NFRKB: variants seen among roughly 807,000 people sequenced by gnomAD.
The protein encoded by NFRKB is nuclear factor related to kappa-B-binding protein.
In NFRKB, 62 loss-of-function variants were observed where a neutral mutation model predicts 135.7. The observed-to-expected ratio is 0.46, with a 90% CI of 0.37 to 0.56. The LOEUF (loss-of-function observed/expected upper bound fraction) is 0.56. Ranked by LOEUF, NFRKB falls within the 20% of genes least tolerant of loss-of-function variation. The probability of loss-of-function intolerance (pLI) is 0.00; values close to 1 mark genes in which losing one functional copy is unlikely to be tolerated. For missense variants in NFRKB, 1,545 were observed against 1,662.0 expected, an observed-to-expected ratio of 0.93 and a Z score of 1.22; for synonymous variants, 678 against 635.6, an observed-to-expected ratio of 1.07 and a Z score of -1.00.
chr11:129,891,623 T>C (rs907017717), intron 3 of NFRKB, among the ~76,000 whole-genome samples: 1 of 152,166 alleles, frequency 6.6e-6, no homozygotes. Flanking sequence ...CTTAGCACCA[T>C]TAGCACCACT....
chr11:129,869,319 A>G (rs989025642), intron 24 of NFRKB, among the ~76,000 whole-genome samples, 175 bp downstream of exon 24: 8 of 146,036 alleles, frequency 5.5e-5, no homozygotes, highest in Non-Finnish European at 8.8e-5. Flanking sequence ...AACACAGACA[A>G]AAGCCTATCA....
rs1948087143 is a variant in NFRKB at position 129,864,281 on chromosome 11, A to G, written c.*444T>C. ...GATGTACAACAGGTTCTTTAAAAAA[A>G]TAAATTACATAAAATTTTCTGGACA... On this transcript the variant is annotated 3_prime_UTR_variant, in exon 27 of 27. Coordinates refer to ENST00000682444, the MANE Select transcript of NFRKB (RefSeq NM_001143835.2). The G allele has an allele frequency of 6.5e-6, 1 of 154,402 alleles. No homozygotes were observed. Among genetic ancestry groups the G allele is most frequent in the Non-Finnish European group, 1.4e-5 (1 of 69,562 alleles). The allele number at this position is 154,402 out of a possible 1,614,324, so 9.6% of individuals were successfully genotyped here. A position where few individuals can be genotyped will look rare whatever the true frequency, so the allele number is the denominator to read the frequency against.
At chr11:129,877,263 T>G in intron 16 of NFRKB, 62 bp downstream of exon 16, 1 of 1,496,060 alleles carries the variant, frequency 6.7e-7, no homozygotes, top group East Asian at 2.3e-5. Context: ...AGAGTCAGGC[T>G]CAGAGCATCT....
In NFRKB at chr11:129,891,123, T is replaced by C. The variant is rs565019825; in HGVS notation, c.135+1592A>G. Among the ~76,000 whole-genome samples, 194 of 152,304 alleles carry C rather than the reference T, an allele frequency of 1.3e-3. 1 individual carries two copies. Among genetic ancestry groups the C allele is most frequent in the African/African-American group, 4.5e-3 (189 of 41,566 alleles). On this transcript the variant is annotated intron_variant, in intron 3 of 26. Coordinates refer to ENST00000682444, the MANE Select transcript of NFRKB (RefSeq NM_001143835.2). ...GTAGTGGTGACCAGAACCAGAGGCC[T>C]TGTCCGTGCTTGCAGTGGGACTCAA...
chr11:129,875,588 C>A lies in NFRKB; in HGVS notation c.1748-125G>T, dbSNP rs374239136. Reference sequence around the variant, plus strand: ...CCTGCTCCTCTACCTTCCCTGATGCCGGATTAGGTGCACTCTGCCCTCCAG... The same window carrying A: ...CCTGCTCCTCTACCTTCCCTGATGCAGGATTAGGTGCACTCTGCCCTCCAG... On this transcript the variant is annotated intron_variant, in intron 17 of 26. Coordinates refer to ENST00000682444, the MANE Select transcript of NFRKB (RefSeq NM_001143835.2). 3.4e-3 allele frequency: 2,160 copies of A among 635,198 alleles called. 6 individuals are homozygous for A. Among genetic ancestry groups the A allele is most frequent in the Non-Finnish European group, 4.3e-3 (1,574 of 368,570 alleles). 39.3% of individuals were successfully genotyped at this position (635,198 alleles called of 1,614,324 possible). A position where few individuals can be genotyped will look rare whatever the true frequency, so the allele number is the denominator to read the frequency against.
chr11:129,875,953 A>G (rs558757074), intron 17 of NFRKB, among the ~76,000 whole-genome samples: 1 of 152,256 alleles, frequency 6.6e-6, no homozygotes, highest in South Asian at 2.1e-4. Flanking sequence ...CATCGCATCC[A>G]GCCCTTACAC....
chr11:129,885,706 A>T, intron 5 of NFRKB, 97 bp from the exon 6 acceptor site: 1 of 1,130,618 alleles, frequency 8.8e-7, no homozygotes, highest in Non-Finnish European at 1.2e-6. Context: ...CTTCAGTGTT[A>T]AGCCCAACTC....
chr11:129,893,150 AGACTG>A, intron 2 of NFRKB: 3 of 1,126,296 alleles, frequency 2.7e-6, no homozygotes, highest in Non-Finnish European at 3.5e-6. Flanking sequence ...GAGTAAAATG[AGACTG>A]AGAATAAATG....
chr11:129,889,437 G>A (rs1000979652), intron 3 of NFRKB, among the ~76,000 whole-genome samples: 3 of 151,954 alleles, frequency 2.0e-5, no homozygotes, highest in Admixed American at 6.6e-5. Flanking sequence ...TCTGAATTCC[G>A]CCTCAACTGA....
chr11:129,876,697 T>C (rs1437980805), intron 17 of NFRKB, 24 bp downstream of exon 17: 9 of 1,605,552 alleles, frequency 5.6e-6, no homozygotes, highest in Non-Finnish European at 6.8e-6. Flanking sequence ...AAGGGATCTC[T>C]GATAATCGAC....
At chr11:129,868,356 T>C (rs775500168) in intron 24 of NFRKB, among the ~76,000 whole-genome samples, 1 of 152,136 alleles carries the variant, frequency 6.6e-6, no homozygotes, top group Admixed American at 6.5e-5. Context: ...TCAACTTCAC[T>C]CATATCAGGG....
chr11:129,886,586 A>G, intron 4 of NFRKB, 142 bp from the exon 5 acceptor site: 1 of 762,210 alleles, frequency 1.3e-6, no homozygotes, highest in Non-Finnish European at 2.1e-6. Context: ...GAGAATCAAG[A>G]AGGAGAACCA....
chr11:129,864,986 G>A lies in NFRKB; in HGVS notation c.3754C>T (p.Gln1252Ter). 1.2e-6 allele frequency: 2 copies of A among 1,613,390 alleles called. No homozygotes were observed. Among genetic ancestry groups the A allele is most frequent in the Non-Finnish European group, 1.7e-6 (2 of 1,179,862 alleles). ...CTTACCTGTGTGGCCTGACCTTGCT[G>A]CTGAAGCTGCTGCAACTGCTGAGCA... ...LTAQQLQQLQQQGQATQVRIQ... is the reference protein window; with the variant it reads ...LTAQQLQQLQ Residue 1252 changes from glutamine (Q) to a stop codon, truncating the protein, a stop_gained, in exon 26 of 27, where the codon CAG (glutamine) becomes TAG (stop). Coordinates refer to ENST00000682444, the MANE Select transcript of NFRKB (RefSeq NM_001143835.2). LOFTEE classifies it high-confidence loss of function.
chr11:129,872,803 G>T, intron 23 of NFRKB, 81 bp downstream of exon 23: 1 of 1,397,892 alleles, frequency 7.2e-7, no homozygotes, highest in Non-Finnish European at 9.8e-7. Flanking sequence ...TGGGCATGCA[G>T]TCTGGCCAAG....
chr11:129,871,333 C>T (rs1176903468), intron 23 of NFRKB, among the ~76,000 whole-genome samples: 1 of 152,140 alleles, frequency 6.6e-6, no homozygotes, highest in Admixed American at 6.5e-5. Context: ...TCACTGTCTC[C>T]ACTTCCTCGC....
intron 3 of NFRKB, among the ~76,000 whole-genome samples, chr11:129,889,478 G>A (rs1292863586): frequency 6.6e-6 from 1 of 151,790 alleles, no homozygotes; most frequent in Non-Finnish European, 1.5e-5. Context: ...TAGAAGGAAT[G>A]AACTTGAGGG....
intron 3 of NFRKB, 132 bp downstream of exon 3, chr11:129,892,583 A>C: frequency 1.1e-6 from 1 of 874,108 alleles, no homozygotes; most frequent in South Asian, 1.9e-5. Flanking sequence ...ATAAGAGATC[A>C]GGCTGCCTGC....
At position 129,882,600 on chromosome 11, in the gene NFRKB, C is replaced by T. The variant is rs750804779; in HGVS notation, c.933G>A (p.Lys311=). ...ALYDLAVLKK[K]VKEKEEKKKK... The stretch of plus-strand genomic sequence containing the variant: ...TCTTCTTTTCCTCTTTTTCCTTAAC[C>T]TTTTTTTTAAGGACAGCCAAGTCAT... Residue 311 remains lysine (K), a synonymous_variant, in exon 10 of 27, where the codon AAG becomes AAA. Coordinates refer to ENST00000682444, the MANE Select transcript of NFRKB (RefSeq NM_001143835.2). The T allele has an allele frequency of 1.9e-6, 3 of 1,611,162 alleles. No homozygotes were observed. Among genetic ancestry groups the T allele is most frequent in the South Asian group, 2.2e-5 (2 of 90,894 alleles).
chr11:129,866,031 A>T (rs1325916323), intron 24 of NFRKB, 48 bp from the exon 25 acceptor site: 21 of 1,493,984 alleles, frequency 1.4e-5, no homozygotes, highest in Non-Finnish European at 1.8e-5. Context: ...GGTAAGGAAA[A>T]CCAGCAAGTG....
Sources: allele counts gnomAD v4.1 joint callset (sites outside exome capture counted in the v4.1 genomes callset), GRCh38; gene constraint gnomAD v4.1.1; transcripts MANE v1.5; gene names NCBI Gene and HGNC (gene_info 2026-07-23, HGNC 2026-07-21).